The following ELMO1 variants were observed in gnomAD, a reference collection of about 807,000 sequenced individuals.
ELMO1 encodes the protein engulfment and cell motility 1.
A neutral mutation model predicts 98.9 loss-of-function variants in ELMO1; 26 were observed. That is an observed-to-expected ratio of 0.26 (90% CI 0.19 to 0.36). The LOEUF is 0.36. Ranked by LOEUF, ELMO1 falls within the 10% of genes least tolerant of loss-of-function variation. The pLI is 1.00. For missense variants in ELMO1, 627 were observed against 935.2 expected, an observed-to-expected ratio of 0.67 and a Z score of 4.30; for synonymous variants, 346 against 346.0, an observed-to-expected ratio of 1.00 and a Z score of 0.00.
chr7:37,036,352 G>A (rs527625268), intron 15 of ELMO1, among the ~76,000 whole-genome samples: 3 of 152,206 alleles, frequency 2.0e-5, no homozygotes, highest in Non-Finnish European at 4.4e-5. Context: ...TCATACAAAT[G>A]TCAGGATTGT....
At chr7:36,871,970 C>A (rs915966678) in intron 19 of ELMO1, among the ~76,000 whole-genome samples, 1 of 152,182 alleles carries the variant, frequency 6.6e-6, no homozygotes, top group Non-Finnish European at 1.5e-5. Flanking sequence ...GTAGGTTCCC[C>A]TGCCATATCT....
chr7:36,971,152 C>T (rs950479615), intron 16 of ELMO1, among the ~76,000 whole-genome samples: 3 of 152,124 alleles, frequency 2.0e-5, no homozygotes, highest in South Asian at 2.1e-4. Context: ...TAGCAAAGAA[C>T]GAAAGGTCTA....
intron 4 of ELMO1, among the ~76,000 whole-genome samples, chr7:37,278,310 T>C (rs1207542089): frequency 6.6e-6 from 1 of 151,976 alleles, no homozygotes; most frequent in Non-Finnish European, 1.5e-5. Flanking sequence ...TCCTAGATAA[T>C]CTCAATGGGC....
At chr7:36,932,007 T>C (rs1786089794) in intron 16 of ELMO1, among the ~76,000 whole-genome samples, 1 of 152,254 alleles carries the variant, frequency 6.6e-6, no homozygotes, top group Non-Finnish European at 1.5e-5. Flanking sequence ...TACACAAGAC[T>C]AAAGATTCAA....
intron 11 of ELMO1, among the ~76,000 whole-genome samples, chr7:37,214,778 T>A (rs1793184057): frequency 6.6e-6 from 1 of 152,218 alleles, no homozygotes; most frequent in Non-Finnish European, 1.5e-5. Context: ...ATCTCTTTTC[T>A]TAGCAACTCG....
intron 13 of ELMO1, among the ~76,000 whole-genome samples, chr7:37,208,102 C>G (rs990302665): frequency 6.6e-6 from 1 of 152,216 alleles, no homozygotes; most frequent in Non-Finnish European, 1.5e-5. Flanking sequence ...CCTTGGAAAA[C>G]TTAAAAGGCT....
At chr7:37,112,385 G>A (rs1417392671) in intron 14 of ELMO1, among the ~76,000 whole-genome samples, 1 of 152,128 alleles carries the variant, frequency 6.6e-6, no homozygotes, top group African/African-American at 2.4e-5. Context: ...AGCAGGGAAG[G>A]GATGGAGAAA....
intron 16 of ELMO1, among the ~76,000 whole-genome samples, chr7:36,997,400 G>C (rs1792300865): frequency 6.6e-6 from 1 of 152,212 alleles, no homozygotes; most frequent in Non-Finnish European, 1.5e-5. Context: ...CTGGGGCTGA[G>C]ATAATGGTGC....
intron 16 of ELMO1, among the ~76,000 whole-genome samples, chr7:36,924,690 G>A (rs376174938): frequency 6.6e-6 from 1 of 152,178 alleles, no homozygotes; most frequent in South Asian, 2.1e-4. Flanking sequence ...TTATAGGGGG[G>A]AGGAAGAGTG....
At chr7:37,172,391 A>G (rs965137391) in intron 13 of ELMO1, among the ~76,000 whole-genome samples, 1 of 152,130 alleles carries the variant, frequency 6.6e-6, no homozygotes, top group Non-Finnish European at 1.5e-5. Context: ...TACCCTCAAT[A>G]TCTAGGAAAT....
intron 15 of ELMO1, among the ~76,000 whole-genome samples, chr7:37,092,036 A>G (rs1584630253): frequency 6.6e-6 from 1 of 152,042 alleles, no homozygotes; most frequent in Non-Finnish European, 1.5e-5. Flanking sequence ...TCATCCCTCA[A>G]TCTTCAATCT....
At chr7:37,197,924 G>A (rs1465022621) in intron 13 of ELMO1, among the ~76,000 whole-genome samples, 1 of 152,190 alleles carries the variant, frequency 6.6e-6, no homozygotes, top group African/African-American at 2.4e-5. Flanking sequence ...CTAGGTCCAA[G>A]GCACTCTCCA....
Position 37,224,906 on chromosome 7 carries a change from A to G in ELMO1, c.674T>C (p.Ile225Thr). The change falls in exon 9 of 22, where the codon ATC becomes ACC. Residue 225 changes from isoleucine to threonine, a missense_variant. By Grantham distance (89) the Ile-to-Thr change is moderately conservative. This residue lies in a region of ELMO1 where 492 missense variants were observed against 715.6 expected (regional missense o/e 0.69). Transcript: ENST00000310758. Reference sequence around the variant, plus strand: ...TTGCAGGTGTGGAATGAGCTGGCCGATGGTGATCTCCTGCGCCACTTTCTG... The same window carrying G: ...TTGCAGGTGTGGAATGAGCTGGCCGGTGGTGATCTCCTGCGCCACTTTCTG... Reference protein sequence around the residue: ...LYQKVAQEITIGQLIPHLQGS... With the variant: ...LYQKVAQEITTGQLIPHLQGS... The G allele has an allele frequency of 6.2e-7, 1 of 1,613,936 alleles. No homozygotes were observed. The highest frequency in any genetic ancestry group is 8.5e-7 in the Non-Finnish European group (1 of 1,179,860).
intron 14 of ELMO1, among the ~76,000 whole-genome samples, chr7:37,120,912 C>G (rs1246062874): frequency 6.6e-6 from 1 of 152,150 alleles, no homozygotes; most frequent in Non-Finnish European, 1.5e-5. Context: ...AGCCGGGTAC[C>G]CCTCTGAGAC....
At chr7:37,063,615 T>C (rs953433029) in intron 15 of ELMO1, among the ~76,000 whole-genome samples, 2 of 152,278 alleles carry the variant, frequency 1.3e-5, no homozygotes, top group Admixed American at 6.5e-5. Flanking sequence ...TCACAGTCTT[T>C]CTCTTCATCA....
chr7:37,181,263 C>CA (rs1407782593), intron 13 of ELMO1, among the ~76,000 whole-genome samples: 1 of 151,994 alleles, frequency 6.6e-6, no homozygotes, highest in South Asian at 2.1e-4. Context: ...AAACAGGGGT[C>CA]AACTTTTTGT....
chr7:37,238,296 GATTT>G (rs954674781), intron 7 of ELMO1, among the ~76,000 whole-genome samples: 9 of 152,024 alleles, frequency 5.9e-5, no homozygotes, highest in Admixed American at 6.6e-5. Context: ...TAAAAATAAA[GATTT>G]ATTTCTACAA....
chr7:37,358,192 G>A, intron 1 of ELMO1, among the ~76,000 whole-genome samples: 1 of 152,136 alleles, frequency 6.6e-6, no homozygotes, highest in East Asian at 1.9e-4. Flanking sequence ...TTCCAACCCT[G>A]TGTTGGCAGT....
intron 5 of ELMO1, among the ~76,000 whole-genome samples, chr7:37,265,614 G>T (rs2723975): frequency 0.015 from 2,236 of 152,134 alleles, 23 homozygotes; most frequent in Non-Finnish European, 0.02. Flanking sequence ...CCAGGTGGCA[G>T]CCCAGGGACC....
Sources: allele counts gnomAD v4.1 joint callset (sites outside exome capture counted in the v4.1 genomes callset), GRCh38; gene constraint gnomAD v4.1.1; regional missense constraint gnomAD v4.1.1; transcripts MANE v1.5; gene names NCBI Gene and HGNC (gene_info 2026-07-23, HGNC 2026-07-21).